Variants in SGCZ observed in about 807,000 individuals in gnomAD.
SGCZ encodes the protein zeta-sarcoglycan.
SGCZ carries 40 observed loss-of-function variants against 41.3 expected under a neutral mutation model. The observed-to-expected ratio is 0.97, with a 90% CI of 0.75 to 1.26. The LOEUF (loss-of-function observed/expected upper bound fraction) is 1.26, where lower values mean the gene tolerates loss of function less well. Among genes scored for constraint, SGCZ ranks in the 50% most tolerant of loss-of-function variants. The pLI, the probability that SGCZ is intolerant of heterozygous loss-of-function variation, is 0.00. For missense variants in SGCZ, 552 were observed against 369.8 expected, an observed-to-expected ratio of 1.49 and a Z score of -4.04; for synonymous variants, 206 against 137.5, an observed-to-expected ratio of 1.50 and a Z score of -3.49.
chr8:14,424,115 G>T (rs946335423), intron 2 of SGCZ, among the ~76,000 whole-genome samples: 2 of 152,024 alleles, frequency 1.3e-5, no homozygotes, highest in Admixed American at 6.5e-5. Context: ...TCAGCCAGGG[G>T]GAAATTTTTA....
chr8:14,356,866 T>A (rs1803315595), intron 2 of SGCZ, among the ~76,000 whole-genome samples: 1 of 152,086 alleles, frequency 6.6e-6, no homozygotes, highest in Non-Finnish European at 1.5e-5. Flanking sequence ...TAATTGCAAT[T>A]TGTTTTTAGA....
rs775874986 is a variant in SGCZ at position 14,408,948 on chromosome 8, A to AGTGTGTGTGTGTGTGT, written c.235-84745_235-84744insACACACACACACACAC. On this transcript the variant is annotated intron_variant, in intron 2 of 7. Transcript: ENST00000382080. ...TAAAAGCTAACACATTTTTAAATTA[A>AGTGTGTGTGTGTGTGT]GAGAGTGTGTGTGTGTGTGTGTGCA... Among the ~76,000 whole-genome samples the AGTGTGTGTGTGTGTGT allele has an allele frequency of 8.2e-3, 925 of 112,168 alleles. 11 individuals carry two copies. Among genetic ancestry groups the AGTGTGTGTGTGTGTGT allele is most frequent in the African/African-American group, 0.025 (819 of 32,584 alleles). 73.6% of individuals were successfully genotyped at this position (112,168 alleles called of 152,430 possible). A position where few individuals can be genotyped will look rare whatever the true frequency, so the allele number is the denominator to read the frequency against.
chr8:15,092,164 A>C (rs1806177456), intron 1 of SGCZ, among the ~76,000 whole-genome samples: 1 of 152,202 alleles, frequency 6.6e-6, no homozygotes, highest in Admixed American at 6.5e-5. Context: ...TGGAACATAA[A>C]TCATGTGAGA....
At chr8:14,851,385 A>AAAAAAG (rs1803319121) in intron 1 of SGCZ, among the ~76,000 whole-genome samples, 1 of 149,922 alleles carries the variant, frequency 6.7e-6, no homozygotes. Context: ...AAAAAAAAAA[A>AAAAAAG]AAAAAGAAAA....
intron 1 of SGCZ, among the ~76,000 whole-genome samples, chr8:14,953,059 A>G (rs1800689776): frequency 1.3e-5 from 2 of 152,162 alleles, no homozygotes; most frequent in Non-Finnish European, 2.9e-5. Context: ...CAGGGATAAA[A>G]CAAAATCAGA....
Position 14,912,598 on chromosome 8 carries a change from A to G in SGCZ, c.39+324987T>C, listed in dbSNP as rs547400682. ...GTCATGGTTACTTACTTGTCAAACAATATTTCTAACTCACACACCATGAGT... is the reference window on the plus strand; with the variant it reads ...GTCATGGTTACTTACTTGTCAAACAGTATTTCTAACTCACACACCATGAGT... On this transcript the variant is annotated intron_variant, in intron 1 of 7. Transcript: ENST00000382080. 1.8e-3 allele frequency among the ~76,000 whole-genome samples: 269 copies of G among 152,200 alleles called. 1 individual carries two copies. Among genetic ancestry groups the G allele is most frequent in the African/African-American group, 6.2e-3 (258 of 41,568 alleles).
chr8:14,504,448 C>T (rs1802245798), intron 2 of SGCZ, among the ~76,000 whole-genome samples: 1 of 152,194 alleles, frequency 6.6e-6, no homozygotes, highest in Non-Finnish European at 1.5e-5. Context: ...GAGTCTAAAA[C>T]CTAGATATGC....
At chr8:15,185,906 T>G (rs996389279) in intron 1 of SGCZ, among the ~76,000 whole-genome samples, 3 of 151,860 alleles carry the variant, frequency 2.0e-5, no homozygotes, top group Non-Finnish European at 1.5e-5. Context: ...AAGTCCAAAA[T>G]AATACTATTT....
chr8:14,662,914 A>G (rs746791532), intron 1 of SGCZ, among the ~76,000 whole-genome samples: 6 of 152,126 alleles, frequency 3.9e-5, no homozygotes, highest in Non-Finnish European at 8.8e-5. Flanking sequence ...GACAGTCTCT[A>G]GAAGATAGAA....
chr8:14,201,653 C>T (rs74630526), intron 4 of SGCZ, among the ~76,000 whole-genome samples: 1,612 of 152,178 alleles, frequency 0.011, 26 homozygotes, highest in African/African-American at 0.036. Context: ...GGTTTGACTA[C>T]CAAGGGGCAT....
chr8:14,218,799 G>T (rs1175354275), intron 4 of SGCZ, among the ~76,000 whole-genome samples: 1 of 152,188 alleles, frequency 6.6e-6, no homozygotes, highest in African/African-American at 2.4e-5. Flanking sequence ...TCCAGGAACC[G>T]TTAATGAATG....
intron 3 of SGCZ, among the ~76,000 whole-genome samples, chr8:14,272,347 G>A (rs1210796652): frequency 1.3e-5 from 2 of 152,148 alleles, no homozygotes; most frequent in Non-Finnish European, 2.9e-5. Context: ...ATTCCATACA[G>A]GGTGACTATA....
At chr8:14,744,853 C>G (rs796364143) in intron 1 of SGCZ, among the ~76,000 whole-genome samples, 38 of 152,250 alleles carry the variant, frequency 2.5e-4, no homozygotes, top group African/African-American at 8.7e-4. Context: ...TCCTCAGGGA[C>G]TATCGTCTTC....
chr8:14,641,853 C>T (rs1232460718), intron 1 of SGCZ, among the ~76,000 whole-genome samples: 2 of 151,620 alleles, frequency 1.3e-5, no homozygotes, highest in African/African-American at 4.8e-5. Flanking sequence ...GCCAGCTTTA[C>T]TGTAATTCTA....
intron 1 of SGCZ, among the ~76,000 whole-genome samples, chr8:14,626,663 A>C (rs1411287171): frequency 1.3e-5 from 2 of 152,158 alleles, no homozygotes; most frequent in Non-Finnish European, 2.9e-5. Context: ...CACAGGGAAA[A>C]TATCATGAAA....
At chr8:14,946,987 A>G (rs1422272771) in intron 1 of SGCZ, among the ~76,000 whole-genome samples, 1 of 152,076 alleles carries the variant, frequency 6.6e-6, no homozygotes, top group East Asian at 1.9e-4. Context: ...CTCTTTCTAT[A>G]GTTAGGGTTT....
chr8:14,534,759 T>C (rs546681608), intron 2 of SGCZ, among the ~76,000 whole-genome samples: 1 of 152,024 alleles, frequency 6.6e-6, no homozygotes, highest in Non-Finnish European at 1.5e-5. Flanking sequence ...AACTTTTATG[T>C]CTTTTTCAAT....
At chr8:14,253,330 T>TAC (rs1355688855) in intron 3 of SGCZ, among the ~76,000 whole-genome samples, 1 of 151,804 alleles carries the variant, frequency 6.6e-6, no homozygotes, top group Non-Finnish European at 1.5e-5. Flanking sequence ...TGCCAGATCT[T>TAC]ACGTGAAATC....
intron 2 of SGCZ, among the ~76,000 whole-genome samples, chr8:14,505,850 T>C (rs977012102): frequency 2.2e-4 from 34 of 152,136 alleles, no homozygotes; most frequent in African/African-American, 7.7e-4. Context: ...GTATACTTAA[T>C]AAATCAGAAA....
Sources: gnomAD v4.1 joint callset for allele counts (sites outside exome capture counted in the v4.1 genomes callset) on GRCh38, gnomAD v4.1.1 for gene constraint, MANE v1.5 for transcripts, NCBI Gene and HGNC (gene_info 2026-07-23, HGNC 2026-07-21) for gene names.